Variants in NUGGC observed in about 807,000 individuals in gnomAD.
The protein encoded by NUGGC is nuclear GTPase SLIP-GC.
NUGGC carries 58 observed loss-of-function variants against 92.6 expected under a neutral mutation model. The observed-to-expected ratio is 0.63, with a 90% CI of 0.51 to 0.78. NUGGC has a LOEUF of 0.78. Ranked by LOEUF, NUGGC falls within the 30% of genes least tolerant of loss-of-function variation. The pLI is 0.00. For missense variants in NUGGC, 925 were observed against 964.6 expected (o/e 0.96, Z 0.54); for synonymous variants, 376 against 366.4 (o/e 1.03, Z -0.30).
intron 12 of NUGGC, 148 bp downstream of exon 12, chr8:28,045,379 T>C: frequency 1.4e-6 from 1 of 693,948 alleles, no homozygotes; most frequent in Non-Finnish European, 2.3e-6. Context: ...AACCCTCTAA[T>C]TATCTTTTTG....
At chr8:28,040,957 A>C in intron 13 of NUGGC, 94 bp downstream of exon 13, 1 of 1,278,102 alleles carries the variant, frequency 7.8e-7, no homozygotes, top group Non-Finnish European at 1.1e-6. Context: ...CTAACTCTTT[A>C]CCTCTTTTGA....
At chr8:28,058,417 CT>C (rs1023223094) in intron 8 of NUGGC, 141 bp from the exon 9 acceptor site, 2 of 193,810 alleles carry the variant, frequency 1.0e-5, no homozygotes, top group Non-Finnish European at 2.4e-5. Flanking sequence ...AATGCTCTCT[CT>C]TCTGACCCAT....
intron 1 of NUGGC, 128 bp downstream of exon 1, chr8:28,083,647 T>C (rs563207438): frequency 6.6e-6 from 1 of 152,312 alleles, no homozygotes; most frequent in Non-Finnish European, 1.5e-5. Context: ...GGGTGGGAAT[T>C]ACATGGGAAT....
intron 14 of NUGGC, 100 bp downstream of exon 14, chr8:28,033,440 T>A: frequency 7.0e-6 from 8 of 1,142,318 alleles, no homozygotes; most frequent in East Asian, 2.5e-5. Flanking sequence ...AGTTACAAGC[T>A]ACTCTTTACA....
intron 3 of NUGGC, 170 bp downstream of exon 3, chr8:28,070,082 C>T: frequency 1.0e-6 from 1 of 984,802 alleles, no homozygotes; most frequent in Non-Finnish European, 1.2e-6. Flanking sequence ...TGCCTGGAGA[C>T]AAATTGCCTA....
chr8:28,061,583 C>T (rs1352091503), intron 7 of NUGGC, among the ~76,000 whole-genome samples: 1 of 152,148 alleles, frequency 6.6e-6, no homozygotes, highest in African/African-American at 2.4e-5. Context: ...AAACAGTCTC[C>T]AATTTGTGAT....
chr8:28,030,326 C>T lies in NUGGC; in HGVS notation c.2001G>A (p.Leu667=). 4 of 1,564,560 alleles carry T rather than the reference C, an allele frequency of 2.6e-6. No homozygotes were observed. The highest frequency in any genetic ancestry group is 3.5e-6 in the Non-Finnish European group (4 of 1,150,150). The change falls in exon 16 of 19, where the codon CTG becomes CTA. Residue 667 remains leucine (L), a synonymous_variant. Coordinates refer to ENST00000413272, the MANE Select transcript of NUGGC (RefSeq NM_001010906.2). ...AGCCCCCACCTTCGTAACAGAGCTT[C>T]AGGTCACTCTGGACAGAGGCAGTGA... ...ESLTASVQSD[L]KLCYEEAAQI...
intron 2 of NUGGC, among the ~76,000 whole-genome samples, chr8:28,073,667 ATG>A (rs1810647051): frequency 6.6e-6 from 1 of 152,098 alleles, no homozygotes; most frequent in Non-Finnish European, 1.5e-5. Flanking sequence ...ACTGACTCCA[ATG>A]TGAGTCACCC....
chr8:28,070,076 T>G (rs1810547842), intron 3 of NUGGC, 176 bp downstream of exon 3: 10 of 983,638 alleles, frequency 1.0e-5, no homozygotes, highest in Non-Finnish European at 1.1e-5. Context: ...CACAGATGCC[T>G]GGAGACAAAT....
chr8:28,055,957 T>C lies in NUGGC; in HGVS notation c.1206+8A>G. Reference sequence around the variant, plus strand: ...CAGAAAAACACATAGAGAAACCTATTAACTCACCTTCAGTTTTTCCTTGAG... The same window carrying C: ...CAGAAAAACACATAGAGAAACCTATCAACTCACCTTCAGTTTTTCCTTGAG... On this transcript the variant is annotated splice_region_variant and intron_variant, in intron 10 of 18. Coordinates refer to ENST00000413272, the MANE Select transcript of NUGGC (RefSeq NM_001010906.2). The C allele has an allele frequency of 1.4e-6, 2 of 1,419,060 alleles. No homozygotes were observed. Among genetic ancestry groups the C allele is most frequent in the Non-Finnish European group, 2.0e-6 (2 of 1,025,362 alleles). 87.9% of individuals were successfully genotyped at this position (1,419,060 alleles called of 1,614,324 possible). A position where few individuals can be genotyped will look rare whatever the true frequency, so the allele number is the denominator to read the frequency against.
chr8:28,049,001 TA>T lies in NUGGC; in HGVS notation c.1207-1390del, dbSNP rs201445279. ...TACATATTCTTTCATTCTTCTTACT[TA>T]AAAAAAAAGAGAAAAACATTCACCT... On this transcript the variant is annotated intron_variant, in intron 10 of 18. Coordinates refer to ENST00000413272, the MANE Select transcript of NUGGC (RefSeq NM_001010906.2). Among the ~76,000 whole-genome samples the T allele has an allele frequency of 8.4e-3, 1,274 of 150,800 alleles. 17 individuals carry two copies. The highest frequency in any genetic ancestry group is 0.029 in the African/African-American group (1,205 of 40,920).
rs146280684 is a variant in NUGGC at position 28,072,751 on chromosome 8, T to C, written c.43+1617A>G. The stretch of plus-strand genomic sequence containing the variant: ...TTTATACCATACGAGGGTAGTATTT[T>C]TATATTAGATTGTAACCAAAATAAA... On this transcript the variant is annotated intron_variant, in intron 2 of 18. Coordinates refer to ENST00000413272, the MANE Select transcript of NUGGC (RefSeq NM_001010906.2). Among the ~76,000 whole-genome samples, 199 of 152,278 alleles carry C rather than the reference T, an allele frequency of 1.3e-3. 3 individuals carry two copies. The East Asian group carries it at 0.033, about 25-fold the overall frequency.
Position 28,056,035 on chromosome 8 carries a change from C to G in NUGGC, c.1136G>C (p.Arg379Pro), listed in dbSNP as rs200054228. Residue 379 changes from arginine (R) to proline (P), a missense_variant, in exon 10 of 19, where the codon CGA (arginine) becomes CCA (proline). By Grantham distance (103) the Arg-to-Pro change is moderately radical (BLOSUM62 -2). Transcript: ENST00000413272. The part of the protein sequence containing the change: ...KAGNQAIQSQ[R>P]EAVLERNEMI... Reference sequence around the variant, plus strand: ...TTCATTTCTTTCTAAAACAGCCTCTCGCTGACTCTGAATAGCTTGCTAGGT... The same window carrying G: ...TTCATTTCTTTCTAAAACAGCCTCTGGCTGACTCTGAATAGCTTGCTAGGT... 5.8e-6 allele frequency: 9 copies of G among 1,564,096 alleles called. No homozygotes were observed. Among genetic ancestry groups the G allele is most frequent in the Non-Finnish European group, 4.3e-6 (5 of 1,150,936 alleles).
chr8:28,030,369 C>G lies in NUGGC; in HGVS notation c.1958G>C (p.Arg653Thr), dbSNP rs531085859. ...GLEDHILRRK[R>T]RIYESLTASV... ...GGCAGTGAGGGACTCGTAGATCCTC[C>G]TCTTCCTTCTGAGGATGTGGTCCTC... The change falls in exon 16 of 19, where the codon AGG (arginine) becomes ACG (threonine). Residue 653 changes from arginine (R) to threonine (T), a missense_variant. By Grantham distance (71) the Arg-to-Thr change is moderately conservative. Transcript: ENST00000413272. 1.3e-6 allele frequency: 2 copies of G among 1,582,174 alleles called. No individual in the cohort carries two copies. Among genetic ancestry groups the G allele is most frequent in the South Asian group, 2.3e-5 (2 of 86,038 alleles).
In NUGGC at chr8:28,031,252, C is replaced by T. The variant is rs1315458904; in HGVS notation, c.1899G>A (p.Leu633=). The T allele has an allele frequency of 6.2e-7, 1 of 1,613,934 alleles. No individual in the cohort carries two copies. The highest frequency in any genetic ancestry group is 1.3e-5 in the African/African-American group (1 of 74,936). The change falls in exon 15 of 19, where the codon CTG becomes CTA. Residue 633 remains leucine, a synonymous_variant. Transcript: ENST00000413272. The part of the protein sequence containing the change: ...WKYDSCKKNF[L]IQEISAILGG... ...TTTATAAGGAACGTACCTCCTGGAT[C>T]AGGAAATTTTTTTTGCAGCTATCAT...
chr8:28,053,289 C>T (rs1810051400), intron 10 of NUGGC, among the ~76,000 whole-genome samples: 1 of 151,966 alleles, frequency 6.6e-6, no homozygotes, highest in Admixed American at 6.6e-5. Context: ...CCTGTCTCTA[C>T]AAAAAATTTA....
intron 12 of NUGGC, among the ~76,000 whole-genome samples, chr8:28,044,456 C>A (rs1362181902): frequency 6.6e-6 from 1 of 152,086 alleles, no homozygotes; most frequent in Non-Finnish European, 1.5e-5. Context: ...GGAAAGGCTT[C>A]GGGGTGCCCT....
intron 1 of NUGGC, among the ~76,000 whole-genome samples, chr8:28,080,316 T>C (rs979746424): frequency 1.3e-5 from 2 of 152,230 alleles, no homozygotes; most frequent in African/African-American, 4.8e-5. Flanking sequence ...ATCAGAGGAA[T>C]ACATTTTCAC....
intron 6 of NUGGC, among the ~76,000 whole-genome samples, chr8:28,065,799 G>A (rs1207923221): frequency 6.6e-6 from 1 of 152,194 alleles, no homozygotes; most frequent in Non-Finnish European, 1.5e-5. Context: ...ATCTGGGGAA[G>A]GAGTAAGAGA....
Sources: allele counts gnomAD v4.1 joint callset (sites outside exome capture counted in the v4.1 genomes callset), GRCh38; gene constraint gnomAD v4.1.1; transcripts MANE v1.5; gene names NCBI Gene and HGNC (gene_info 2026-07-23, HGNC 2026-07-21).